The following PPP1R21 variants were observed in gnomAD, a reference collection of about 807,000 sequenced individuals.
PPP1R21 encodes KLRAQ motif containing 1.
Under a neutral mutation model 112.8 loss-of-function variants are expected in PPP1R21, and 85 were observed. The ratio of observed to expected loss-of-function variants is 0.75; its 90% confidence interval spans 0.63 to 0.90. The LOEUF (loss-of-function observed/expected upper bound fraction) is 0.90. PPP1R21 is among the 40% of genes least tolerant of loss of function. The pLI is 0.00. For missense variants in PPP1R21, 1,199 were observed against 901.5 expected (o/e 1.33, Z -4.23); for synonymous variants, 381 against 322.3 (o/e 1.18, Z -1.95).
At chr2:48,489,496 C>G (rs1028069108) in intron 14 of PPP1R21, among the ~76,000 whole-genome samples, 3 of 152,030 alleles carry the variant, frequency 2.0e-5, no homozygotes, top group Admixed American at 2.0e-4. Context: ...ACGCACACCA[C>G]CATGCCTGGC....
intron 3 of PPP1R21, among the ~76,000 whole-genome samples, chr2:48,457,300 A>C (rs1267500980): frequency 1.3e-5 from 2 of 152,280 alleles, no homozygotes; most frequent in East Asian, 3.9e-4. Flanking sequence ...ATGGATATTT[A>C]ATTTCTTTTT....
chr2:48,469,451 GCATATATATATAT>G (rs1668384177), intron 9 of PPP1R21, among the ~76,000 whole-genome samples: 1 of 68,444 alleles, frequency 1.5e-5, no homozygotes, highest in South Asian at 4.7e-4. Context: ...TATAGAGAGA[GCATATATATATAT>G]AGAGCATATA....
Position 48,461,355 on chromosome 2 carries a change from T to G in PPP1R21, c.694+123T>G. ...TAATTGGCCCCACAGAAGATTGCTT[T>G]CTCTTTGTTCATTTGATCAGCCGTG... On this transcript the variant is annotated intron_variant, in intron 7 of 21. Transcript: ENST00000294952. 3 of 1,315,780 alleles carry G rather than the reference T, an allele frequency of 2.3e-6. No individual in the cohort carries two copies. In the East Asian group the frequency reaches 9.5e-5, roughly 42 times the overall value. 81.5% of individuals were successfully genotyped at this position (1,315,780 alleles called of 1,614,324 possible).
chr2:48,498,518 C>T lies in PPP1R21; in HGVS notation c.1718C>T (p.Ser573Phe), dbSNP rs753522402. 1.9e-6 allele frequency: 3 copies of T among 1,614,078 alleles called. No individual in the cohort carries two copies. Among genetic ancestry groups the T allele is most frequent in the Non-Finnish European group, 2.5e-6 (3 of 1,179,986 alleles). The part of the protein sequence containing the change: ...QQVQQSLEKI[S>F]KLEQEKEHWM... ...GTTCAACAGAGTTTGGAAAAGATTT[C>T]TAAACTGGAGCAGGAAAAAGAACAT... Residue 573 changes from serine to phenylalanine, a missense_variant, in exon 17 of 22, where the codon TCT becomes TTT. Coordinates refer to ENST00000294952, the MANE Select transcript of PPP1R21 (RefSeq NM_001135629.3).
rs546056421 is a variant in PPP1R21, at chr2:48,442,494, C to T, written c.57+1484C>T. 2.0e-5 allele frequency among the ~76,000 whole-genome samples: 3 copies of T among 152,250 alleles called. No individual in the cohort carries two copies. The South Asian group carries it at 6.2e-4, about 32-fold the overall frequency. ...ACTGAAAAGTTTTTGGATATGTAAGCTTGTTTAGCAGACAATATGTGCCCC... is the reference window on the plus strand; with the variant it reads ...ACTGAAAAGTTTTTGGATATGTAAGTTTGTTTAGCAGACAATATGTGCCCC... On this transcript the variant is annotated intron_variant, in intron 1 of 21. Transcript: ENST00000294952.
chr2:48,490,049 A>G (rs966631091), intron 14 of PPP1R21, among the ~76,000 whole-genome samples: 2 of 151,846 alleles, frequency 1.3e-5, no homozygotes, highest in Non-Finnish European at 2.9e-5. Context: ...TGTTTCAAAC[A>G]AACGAACAAA....
intron 1 of PPP1R21, among the ~76,000 whole-genome samples, chr2:48,447,552 A>G (rs1667300558): frequency 6.6e-6 from 1 of 152,224 alleles, no homozygotes; most frequent in Non-Finnish European, 1.5e-5. Context: ...TCCTAGAGGC[A>G]GTAGTGACCA....
intron 16 of PPP1R21, among the ~76,000 whole-genome samples, chr2:48,496,807 T>A (rs1669865845): frequency 6.6e-6 from 1 of 152,208 alleles, no homozygotes; most frequent in African/African-American, 2.4e-5. Flanking sequence ...TCTTCATGGT[T>A]GTCAATCATG....
At chr2:48,513,371 ATT>A (rs113981174) in intron 21 of PPP1R21, among the ~76,000 whole-genome samples, 1 of 144,582 alleles carries the variant, frequency 6.9e-6, no homozygotes, top group African/African-American at 2.5e-5. Context: ...TGCCCGGCTA[ATT>A]TTTTTTTTTT....
chr2:48,449,681 C>T (rs1238901139), intron 1 of PPP1R21, among the ~76,000 whole-genome samples: 1 of 151,862 alleles, frequency 6.6e-6, no homozygotes, highest in Non-Finnish European at 1.5e-5. Context: ...CATTTCTGTT[C>T]TGTGTTCTCA....
At chr2:48,464,211 G>C (rs1668103654) in intron 7 of PPP1R21, among the ~76,000 whole-genome samples, 1 of 152,158 alleles carries the variant, frequency 6.6e-6, no homozygotes, top group Non-Finnish European at 1.5e-5. Flanking sequence ...ATAGCCCAGT[G>C]AGTAGCAATG....
intron 19 of PPP1R21, among the ~76,000 whole-genome samples, chr2:48,507,700 A>G (rs1320909215): frequency 6.7e-6 from 1 of 149,754 alleles, no homozygotes; most frequent in Non-Finnish European, 1.5e-5. Flanking sequence ...TATACCAACT[A>G]AAAATCTTTA....
Position 48,507,132 on chromosome 2 carries a change from A to AG in PPP1R21, c.1969-132dup, listed in dbSNP as rs928355573. The AG allele has an allele frequency of 3.2e-6, 4 of 1,259,110 alleles. No homozygotes were observed. In the African/African-American group the frequency reaches 6.3e-5, roughly 20 times the overall value. 78.0% of individuals were successfully genotyped at this position (1,259,110 alleles called of 1,614,324 possible). ...CCCTGCTATGTCTGAAGTTTCTTCGAGGGGGTAGGAAAACAGTGATTCCCC... is the reference window on the plus strand; with the variant it reads ...CCCTGCTATGTCTGAAGTTTCTTCGAGGGGGGTAGGAAAACAGTGATTCCCC... On this transcript the variant is annotated intron_variant, in intron 18 of 21. Coordinates refer to ENST00000294952, the MANE Select transcript of PPP1R21 (RefSeq NM_001135629.3).
chr2:48,511,173 G>C (rs1278624789), intron 20 of PPP1R21, among the ~76,000 whole-genome samples, 167 bp from the exon 21 acceptor site: 1 of 152,134 alleles, frequency 6.6e-6, no homozygotes, highest in African/African-American at 2.4e-5. Context: ...ATTTATCTTT[G>C]TGTTGGGAAC....
chr2:48,503,456 T>C (rs1041364748), intron 17 of PPP1R21, among the ~76,000 whole-genome samples: 5 of 152,220 alleles, frequency 3.3e-5, no homozygotes, highest in Non-Finnish European at 7.3e-5. Flanking sequence ...ATGTCTCATT[T>C]TTATGTATAA....
intron 8 of PPP1R21, 132 bp downstream of exon 8, chr2:48,465,121 C>T: frequency 5.5e-6 from 4 of 725,630 alleles, no homozygotes; most frequent in Non-Finnish European, 6.8e-6. Context: ...TTACGTGTTT[C>T]TCATACATTT....
intron 17 of PPP1R21, among the ~76,000 whole-genome samples, chr2:48,505,144 A>G (rs1161729608): frequency 6.6e-6 from 1 of 152,222 alleles, no homozygotes; most frequent in Non-Finnish European, 1.5e-5. Flanking sequence ...GCTTTCAACT[A>G]GAGTGTTTAT....
intron 15 of PPP1R21, among the ~76,000 whole-genome samples, chr2:48,494,130 A>T (rs1436797283): frequency 6.9e-6 from 1 of 145,250 alleles, no homozygotes; most frequent in Non-Finnish European, 1.5e-5. Context: ...CATGCTTGGG[A>T]GGCTGGGCTG....
intron 4 of PPP1R21, among the ~76,000 whole-genome samples, chr2:48,458,863 T>C (rs1572839720): frequency 1.3e-5 from 2 of 152,044 alleles, no homozygotes; most frequent in Non-Finnish European, 1.5e-5. Flanking sequence ...GAGGCCAAGG[T>C]GGGCGGATCA....
Sources: allele counts gnomAD v4.1 joint callset (sites outside exome capture counted in the v4.1 genomes callset), GRCh38; gene constraint gnomAD v4.1.1; transcripts MANE v1.5; gene names NCBI Gene and HGNC (gene_info 2026-07-23, HGNC 2026-07-21).